FBXL16: variants seen among roughly 807,000 people sequenced by gnomAD.
FBXL16 encodes F-box/LRR-repeat protein 16.
In FBXL16, 7 loss-of-function variants were observed where a neutral mutation model predicts 36.7. The ratio of observed to expected loss-of-function variants is 0.19; its 90% confidence interval spans 0.11 to 0.36. FBXL16 has a LOEUF of 0.36. Ranked by LOEUF, FBXL16 falls within the 10% of genes least tolerant of loss-of-function variation. The pLI, the probability that FBXL16 is intolerant of heterozygous loss-of-function variation, is 1.00. For synonymous variants in FBXL16, 355 were observed against 308.7 expected (o/e 1.15, Z -1.57); for missense variants, 463 against 659.4 (o/e 0.70, Z 3.26).
Position 697,357 on chromosome 16 carries a change from G to A in FBXL16, c.49C>T (p.Arg17Ter), listed in dbSNP as rs1345202574. 1.3e-6 allele frequency: 2 copies of A among 1,537,032 alleles called. No individual in the cohort carries two copies. The highest frequency in any genetic ancestry group is 2.0e-5 in the Admixed American group (1 of 51,134). ...CCCGGCAGCTTCACCAGACCGTTTCGAGGCAAGCATGGAGGCTTGGGGTCG... is the reference window on the plus strand; with the variant it reads ...CCCGGCAGCTTCACCAGACCGTTTCAAGGCAAGCATGGAGGCTTGGGGTCG... ...DGDPKPPCLPRNGLVKLPGQP... is the reference protein window; with the variant it reads ...DGDPKPPCLP The change falls in exon 2 of 6, where the codon CGA (arginine) becomes TGA (stop). Residue 17 changes from arginine to a stop codon, truncating the protein, a stop_gained. Transcript: ENST00000397621. LOFTEE classifies it high-confidence loss of function. The surrounding 1 kb of genome is among the most constrained non-coding windows in gnomAD (Gnocchi z 4.6).
chr16:697,152 G>T lies in FBXL16; in HGVS notation c.254C>A (p.Ala85Glu). ...TPAGGPASAL[A>E]PGHPAERPPL... ...CGGCCGCTCCGCTGGGTGCCCAGGT[G>T]CCAAGGCTGAGGCTGGTCCACCTGC... Residue 85 changes from alanine to glutamate, a missense_variant, in exon 2 of 6, where the codon GCA becomes GAA. Coordinates refer to ENST00000397621, the MANE Select transcript of FBXL16 (RefSeq NM_153350.4). This position sits in a 1 kb window ranked among gnomAD's most constrained non-coding sequence, Gnocchi z 4.6. The T allele has an allele frequency of 6.3e-7, 1 of 1,594,100 alleles. No individual in the cohort carries two copies.
chr16:695,374 G>C, intron 3 of FBXL16, 41 bp downstream of exon 3: 1 of 1,373,224 alleles, frequency 7.3e-7, no homozygotes, highest in Non-Finnish European at 9.4e-7. Flanking sequence ...GTGCAGCCCC[G>C]CCCGGCCCAG....
In FBXL16 at chr16:695,612, C is replaced by A. The variant is rs1382568732; in HGVS notation, c.945G>T (p.Val315=). The change falls in exon 3 of 6, where the codon GTG becomes GTT. Residue 315 remains valine, a synonymous_variant. Transcript: ENST00000397621. ...WEITNHGVVN[V]VHSLPNLTAL... Reference sequence around the variant, plus strand: ...CGGTGAGGTTGGGCAGGCTGTGCACCACGTTGACCACGCCGTGGTTGGTGA... The same window carrying A: ...CGGTGAGGTTGGGCAGGCTGTGCACAACGTTGACCACGCCGTGGTTGGTGA... 2 of 1,606,232 alleles carry A rather than the reference C, an allele frequency of 1.2e-6. No homozygotes were observed. The highest frequency in any genetic ancestry group is 1.1e-5 in the South Asian group (1 of 90,644).
rs1193294098 is a variant in FBXL16, at chr16:705,621, C to G, written c.-124G>C. On this transcript the variant is annotated 5_prime_UTR_variant, in exon 1 of 6. Coordinates refer to ENST00000397621, the MANE Select transcript of FBXL16 (RefSeq NM_153350.4). Reference sequence around the variant, plus strand: ...GGGGCCGCCGGGGTGCTGGACTGGCCGGCAGGGCCCGGCCGCGCCCTGCGC... The same window carrying G: ...GGGGCCGCCGGGGTGCTGGACTGGCGGGCAGGGCCCGGCCGCGCCCTGCGC... The G allele has an allele frequency of 6.7e-6, 1 of 149,080 alleles. No homozygotes were observed. Among genetic ancestry groups the G allele is most frequent in the Non-Finnish European group, 1.5e-5 (1 of 66,820 alleles). 9.2% of individuals were successfully genotyped at this position (149,080 alleles called of 1,614,324 possible). A position where few individuals can be genotyped will look rare whatever the true frequency, so the allele number is the denominator to read the frequency against.
intron 1 of FBXL16, among the ~76,000 whole-genome samples, chr16:704,961 G>A (rs1470150882): frequency 6.6e-6 from 1 of 152,190 alleles, no homozygotes; most frequent in African/African-American, 2.4e-5. Context: ...CCCTTCTGAG[G>A]CCCTCCAACC....
rs2040016472 is a variant in FBXL16 at position 696,899 on chromosome 16, C to G, written c.507G>C (p.Glu169Asp). Residue 169 changes from glutamate (E) to aspartate (D), a missense_variant, in exon 2 of 6, where the codon GAG (glutamate) becomes GAC (aspartate). Glu to Asp is a conservative substitution (Grantham distance 45). Transcript: ENST00000397621. Reference protein sequence around the residue: ...NLQGFAARGFEGFCLVGVSDL... With the variant: ...NLQGFAARGFDGFCLVGVSDL... ...CGGAGACGCCAACCAGGCAGAAGCCCTCGAAGCCTCTGGCGGCAAAACCCT... is the reference window on the plus strand; with the variant it reads ...CGGAGACGCCAACCAGGCAGAAGCCGTCGAAGCCTCTGGCGGCAAAACCCT... 1 of 1,610,474 alleles carries G rather than the reference C, an allele frequency of 6.2e-7. No homozygotes were observed. Among genetic ancestry groups the G allele is most frequent in the Non-Finnish European group, 8.5e-7 (1 of 1,179,172 alleles).
In FBXL16 at chr16:695,839, G is replaced by A; in HGVS notation, c.718C>T (p.Leu240=). 1 of 1,606,946 alleles carries A rather than the reference G, an allele frequency of 6.2e-7. No individual in the cohort carries two copies. The highest frequency in any genetic ancestry group is 8.5e-7 in the Non-Finnish European group (1 of 1,176,174). Reference sequence around the variant, plus strand: ...CTCAGCGAGGTGATGCGCGCGCTCAGGCTGGACCACAGCCCGGCCTCGGTG... The same window carrying A: ...CTCAGCGAGGTGATGCGCGCGCTCAAGCTGGACCACAGCCCGGCCTCGGTG... ...DFTEAGLWSS[L]SARITSLSVS... is the part of the protein sequence containing the mutation. The change falls in exon 3 of 6, where the codon CTG becomes TTG. Residue 240 remains leucine (L), a synonymous_variant. Coordinates refer to ENST00000397621, the MANE Select transcript of FBXL16 (RefSeq NM_153350.4).
intron 2 of FBXL16, among the ~76,000 whole-genome samples, 162 bp downstream of exon 2, chr16:696,611 G>T (rs11861214): frequency 0.26 from 39,348 of 152,104 alleles, 6,024 homozygotes; most frequent in East Asian, 0.72. Flanking sequence ...AAAATCTTGA[G>T]TGTCTTTGAA....
At chr16:700,045 G>A (rs1431944718) in intron 1 of FBXL16, among the ~76,000 whole-genome samples, 3 of 150,436 alleles carry the variant, frequency 2.0e-5, no homozygotes, top group Non-Finnish European at 4.4e-5. Flanking sequence ...GGGAGGGGAG[G>A]CAGGGAGGCA....
rs778341490 is a variant in FBXL16, at chr16:695,537, G to A, written c.1020C>T (p.Leu340=). 49 of 1,600,950 alleles carry A rather than the reference G, an allele frequency of 3.1e-5. No homozygotes were observed. Among genetic ancestry groups the A allele is most frequent in the Middle Eastern group, 1.7e-4 (1 of 6,058 alleles). The change falls in exon 3 of 6, where the codon CTC becomes CTT. Residue 340 remains leucine, a synonymous_variant. Transcript: ENST00000397621. ...GCAGCTTGCGCAGGTTCTCGGCCAC[G>A]AGCTCCACGCCGTCGTCGGTGACCT... ...CSKVTDDGVE[L]VAENLRKLRS... is the part of the protein sequence containing the mutation.
chr16:696,861 C>G lies in FBXL16; in HGVS notation c.545G>C (p.Cys182Ser). ...GAGCGCATAGTTGTCAATGAACTCACAGATGTCCAGGTCGGAGACGCCAAC... is the reference window on the plus strand; with the variant it reads ...GAGCGCATAGTTGTCAATGAACTCAGAGATGTCCAGGTCGGAGACGCCAAC... ...CLVGVSDLDI[C>S]EFIDNYALSK... Residue 182 changes from cysteine (C) to serine (S), a missense_variant, in exon 2 of 6, where the codon TGT becomes TCT. By Grantham distance (112) the Cys-to-Ser change is moderately radical (BLOSUM62 -1). Transcript: ENST00000397621. 6.2e-7 allele frequency: 1 copy of G among 1,608,336 alleles called. No homozygotes were observed. The highest frequency in any genetic ancestry group is 8.5e-7 in the Non-Finnish European group (1 of 1,178,590).
At chr16:702,243 C>T (rs1354023316) in intron 1 of FBXL16, among the ~76,000 whole-genome samples, 2 of 152,180 alleles carry the variant, frequency 1.3e-5, no homozygotes, top group Non-Finnish European at 2.9e-5. Context: ...TCCTCCCCTG[C>T]TCCTCTGCCT....
At chr16:696,700 G>A (rs1224938421) in intron 2 of FBXL16, 73 bp downstream of exon 2, 25 of 1,373,090 alleles carry the variant, frequency 1.8e-5, no homozygotes, top group Middle Eastern at 2.7e-4. Context: ...GCCACCATCC[G>A]CTCCCACCTC....
chr16:694,182 C>T lies in FBXL16; in HGVS notation c.*93G>A, dbSNP rs1596571442. On this transcript the variant is annotated 3_prime_UTR_variant, in exon 6 of 6. Transcript: ENST00000397621. ...CTGGGCCGGGGGCGCGGGGGCTCCC[C>T]CGAGCGCAAGGCGGGAAGAGGGGGC... 1 of 971,988 alleles carries T rather than the reference C, an allele frequency of 1.0e-6. No homozygotes were observed. Among genetic ancestry groups the T allele is most frequent in the Non-Finnish European group, 1.3e-6 (1 of 747,266 alleles). 60.2% of individuals were successfully genotyped at this position (971,988 alleles called of 1,614,324 possible).
intron 1 of FBXL16, among the ~76,000 whole-genome samples, chr16:701,911 T>C (rs2040060223): frequency 6.6e-6 from 1 of 152,000 alleles, no homozygotes; most frequent in Non-Finnish European, 1.5e-5. Flanking sequence ...GAGAGAGAGG[T>C]GGCCCCACCT....
Position 697,289 on chromosome 16 carries a change from C to T in FBXL16, c.117G>A (p.Thr39=), listed in dbSNP as rs767753989. The T allele has an allele frequency of 2.5e-5, 38 of 1,527,702 alleles. No individual in the cohort carries two copies. In the South Asian group the frequency reaches 2.6e-4, roughly 11 times the overall value. 94.6% of individuals were successfully genotyped at this position (1,527,702 alleles called of 1,614,324 possible). Residue 39 remains threonine, a synonymous_variant, in exon 2 of 6, where the codon ACG becomes ACA. Coordinates refer to ENST00000397621, the MANE Select transcript of FBXL16 (RefSeq NM_153350.4). The surrounding 1 kb of genome is among the most constrained non-coding windows in gnomAD (Gnocchi z 4.6). The stretch of plus-strand genomic sequence containing the variant: ...GGCAGGGGCGGTTCTTGGTGGCTGG[C>T]GTGCCCTTGGTGATGCTGGCCGCAC... The part of the protein sequence containing the change: ...GLGAASITKG[T]PATKNRPCQP...
chr16:696,225 G>GTATTTATTTATT lies in FBXL16; in HGVS notation c.634-314_634-303dup, dbSNP rs766142167. Among the ~76,000 whole-genome samples, 585 of 150,636 alleles carry GTATTTATTTATT rather than the reference G, an allele frequency of 3.9e-3. 2 individuals carry two copies. The highest frequency in any genetic ancestry group is 0.013 in the African/African-American group (542 of 40,700). ...CTCGCATCCTCCCCACACTGCATTT[G>GTATTTATTTATT]TATTTATTTATTTATTTATTTATTC... On this transcript the variant is annotated intron_variant, in intron 2 of 5. Transcript: ENST00000397621.
intron 1 of FBXL16, among the ~76,000 whole-genome samples, chr16:701,536 C>G (rs912824073): frequency 6.6e-6 from 1 of 152,260 alleles, no homozygotes; most frequent in Admixed American, 6.5e-5. Flanking sequence ...AGACTGGGGT[C>G]TCTCTGCCCG....
rs184553072 is a variant in FBXL16, at chr16:704,439, T to C, written c.-15+1073A>G. Among the ~76,000 whole-genome samples the C allele has an allele frequency of 4.8e-4, 73 of 152,266 alleles. No homozygotes were observed. In the East Asian group the frequency reaches 0.012, roughly 25 times the overall value. On this transcript the variant is annotated intron_variant, in intron 1 of 5. Coordinates refer to ENST00000397621, the MANE Select transcript of FBXL16 (RefSeq NM_153350.4). ...GTCCTAGGGTTCCCCCACACAGCGA[T>C]GTTTGCAGCTGGGCCTTGAATTTCC... is the stretch of plus-strand genomic sequence containing the variant.
Sources: gnomAD v4.1 joint callset for allele counts (sites outside exome capture counted in the v4.1 genomes callset) on GRCh38, gnomAD v4.1.1 for gene constraint, Gnocchi (gnomAD v3.1) non-coding constraint, MANE v1.5 for transcripts, NCBI Gene and HGNC (gene_info 2026-07-23, HGNC 2026-07-21) for gene names.